The following ULK4 variants were observed in gnomAD, a reference collection of about 807,000 sequenced individuals.
The protein encoded by ULK4 is unc-51 like kinase 4.
Under a neutral mutation model 160.6 loss-of-function variants are expected in ULK4, and 133 were observed. That is an observed-to-expected ratio of 0.83 (90% CI 0.72 to 0.96). ULK4 has a LOEUF of 0.96. Among genes scored for constraint, ULK4 ranks in the 40% least tolerant of loss-of-function variants. The pLI, the probability that ULK4 is intolerant of heterozygous loss-of-function variation, is 0.00. For synonymous variants in ULK4, 534 were observed against 539.8 expected, an observed-to-expected ratio of 0.99 and a Z score of 0.15; for missense variants, 1,580 against 1,499.5, an observed-to-expected ratio of 1.05 and a Z score of -0.89.
intron 31 of ULK4, among the ~76,000 whole-genome samples, chr3:41,587,491 T>C (rs537667370): frequency 1.1e-4 from 16 of 152,306 alleles, no homozygotes; most frequent in East Asian, 5.8e-4. Flanking sequence ...ATAAAATGCA[T>C]TGAGGTTGAA....
intron 32 of ULK4, among the ~76,000 whole-genome samples, chr3:41,498,986 C>A (rs1241873120): frequency 6.6e-6 from 1 of 152,120 alleles, no homozygotes; most frequent in African/African-American, 2.4e-5. Flanking sequence ...TAGTACTATT[C>A]TTCAATAAAA....
At chr3:41,499,805 A>T (rs555531750) in intron 32 of ULK4, among the ~76,000 whole-genome samples, 1 of 152,312 alleles carries the variant, frequency 6.6e-6, no homozygotes, top group South Asian at 2.1e-4. Context: ...GTCCTTCTTT[A>T]ATATGAGAGT....
At chr3:41,591,685 C>T (rs918708549) in intron 31 of ULK4, among the ~76,000 whole-genome samples, 2 of 152,032 alleles carry the variant, frequency 1.3e-5, no homozygotes, top group African/African-American at 2.4e-5. Flanking sequence ...ATTTCTTTAA[C>T]TGGATAAGGT....
intron 32 of ULK4, among the ~76,000 whole-genome samples, chr3:41,463,530 G>A (rs2083747433): frequency 6.6e-6 from 1 of 152,092 alleles, no homozygotes; most frequent in Non-Finnish European, 1.5e-5. Context: ...CATCCTACAT[G>A]GGCAGGCTTC....
intron 32 of ULK4, among the ~76,000 whole-genome samples, chr3:41,485,763 TAAG>T (rs1172365355): frequency 1.3e-5 from 2 of 152,204 alleles, no homozygotes; most frequent in African/African-American, 2.4e-5. Context: ...AAATAAATAT[TAAG>T]AAGAATTGAC....
intron 34 of ULK4, among the ~76,000 whole-genome samples, chr3:41,416,389 A>C (rs1202917582): frequency 6.6e-6 from 1 of 152,222 alleles, no homozygotes; most frequent in African/African-American, 2.4e-5. Context: ...AGCAGAGCTT[A>C]ACCTGGCAGG....
chr3:41,659,773 T>C (rs1022690459), intron 30 of ULK4, among the ~76,000 whole-genome samples: 2 of 152,172 alleles, frequency 1.3e-5, no homozygotes, highest in Non-Finnish European at 2.9e-5. Flanking sequence ...ATAACACATT[T>C]ATGAGAGTAT....
chr3:41,669,505 G>A (rs28460339), intron 29 of ULK4, among the ~76,000 whole-genome samples: 13,324 of 152,120 alleles, frequency 0.088, 1,203 homozygotes, highest in African/African-American at 0.23. Context: ...GGATCCTCCC[G>A]CCTTGGCCTC....
At chr3:41,902,773 C>G (rs1281794484) in intron 12 of ULK4, among the ~76,000 whole-genome samples, 2 of 152,034 alleles carry the variant, frequency 1.3e-5, no homozygotes, top group African/African-American at 2.4e-5. Flanking sequence ...CAGGGGCAAA[C>G]TTAACATTGC....
At chr3:41,450,381 A>C (rs1396784045) in intron 34 of ULK4, among the ~76,000 whole-genome samples, 1 of 152,214 alleles carries the variant, frequency 6.6e-6, no homozygotes, top group Non-Finnish European at 1.5e-5. Flanking sequence ...AGAATCAAGA[A>C]TAATCAGATT....
chr3:41,585,874 T>C (rs997116166), intron 31 of ULK4, among the ~76,000 whole-genome samples: 1 of 152,118 alleles, frequency 6.6e-6, no homozygotes, highest in Non-Finnish European at 1.5e-5. Context: ...TCTCTAAAGA[T>C]GAAATACAAA....
intron 34 of ULK4, among the ~76,000 whole-genome samples, chr3:41,423,042 A>C (rs1559590054): frequency 6.6e-6 from 1 of 152,222 alleles, no homozygotes; most frequent in African/African-American, 2.4e-5. Context: ...AAAGATGTCC[A>C]TAATATTGAA....
chr3:41,642,045 T>G (rs934262516), intron 30 of ULK4, among the ~76,000 whole-genome samples: 1 of 151,898 alleles, frequency 6.6e-6, no homozygotes, highest in Non-Finnish European at 1.5e-5. Flanking sequence ...CTAGCTAATT[T>G]TGTATTTCAG....
chr3:41,482,263 T>C (rs2084354774), intron 32 of ULK4, among the ~76,000 whole-genome samples: 1 of 152,176 alleles, frequency 6.6e-6, no homozygotes, highest in Non-Finnish European at 1.5e-5. Context: ...AGCCAGCTGT[T>C]TCCTTCCCTT....
At chr3:41,365,960 T>G (rs1457193236) in intron 35 of ULK4, among the ~76,000 whole-genome samples, 2 of 152,204 alleles carry the variant, frequency 1.3e-5, no homozygotes, top group African/African-American at 4.8e-5. Flanking sequence ...AAAAACCATT[T>G]GGATAGATTC....
At chr3:41,701,715 T>G (rs1193310621) in intron 27 of ULK4, among the ~76,000 whole-genome samples, 4 of 152,152 alleles carry the variant, frequency 2.6e-5, no homozygotes, top group Admixed American at 6.6e-5. Context: ...GGTGGATATT[T>G]AAAAGAGAGA....
chr3:41,798,987 T>C (rs1006492578), intron 20 of ULK4, among the ~76,000 whole-genome samples: 1 of 152,022 alleles, frequency 6.6e-6, no homozygotes, highest in East Asian at 1.9e-4. Context: ...TGCAGGTAAA[T>C]AGGTCTACTT....
chr3:41,727,249 A>G (rs1042174158), intron 22 of ULK4, among the ~76,000 whole-genome samples: 3 of 152,204 alleles, frequency 2.0e-5, no homozygotes, highest in African/African-American at 7.2e-5. Flanking sequence ...AATGAGTTCA[A>G]TGAGTACAAG....
chr3:41,369,148 A>G (rs968822740), intron 35 of ULK4, among the ~76,000 whole-genome samples: 3 of 152,226 alleles, frequency 2.0e-5, no homozygotes, highest in African/African-American at 7.2e-5. Context: ...ATTTATGTTA[A>G]CAACTGCTAT....
Sources: gnomAD v4.1 joint callset for allele counts (sites outside exome capture counted in the v4.1 genomes callset) on GRCh38, gnomAD v4.1.1 for gene constraint, MANE v1.5 for transcripts, NCBI Gene and HGNC (gene_info 2026-07-23, HGNC 2026-07-21) for gene names.